UGGT2: variants seen among roughly 807,000 people sequenced by gnomAD.
UGGT2 encodes UDP-glucose:glycoprotein glucosyltransferase 2.
In UGGT2, 180 loss-of-function variants were observed where a neutral mutation model predicts 192.1. The ratio of observed to expected loss-of-function variants is 0.94; its 90% confidence interval spans 0.83 to 1.06. The LOEUF (loss-of-function observed/expected upper bound fraction) is 1.06, where lower values mean the gene tolerates loss of function less well. UGGT2 is among the 50% of genes least tolerant of loss of function. The pLI is 0.00. For synonymous variants in UGGT2, 580 were observed against 591.0 expected, an observed-to-expected ratio of 0.98 and a Z score of 0.27; for missense variants, 1,849 against 1,795.7, an observed-to-expected ratio of 1.03 and a Z score of -0.54.
chr13:95,928,731 G>T (rs566682019), intron 17 of UGGT2, among the ~76,000 whole-genome samples: 1 of 152,052 alleles, frequency 6.6e-6, no homozygotes, highest in South Asian at 2.1e-4. Flanking sequence ...GGGCAGAGGG[G>T]CTCCTCACAT....
chr13:95,958,927 T>A (rs1238479388), intron 12 of UGGT2, among the ~76,000 whole-genome samples: 2 of 152,194 alleles, frequency 1.3e-5, no homozygotes, highest in Non-Finnish European at 2.9e-5. Flanking sequence ...CCCTTCACCC[T>A]TATGGGCTTC....
chr13:95,993,816 T>C (rs976637456), intron 7 of UGGT2, among the ~76,000 whole-genome samples: 5 of 152,140 alleles, frequency 3.3e-5, no homozygotes, highest in African/African-American at 1.2e-4. Flanking sequence ...AAAATATTTC[T>C]TTAATTAATT....
At chr13:95,985,134 A>T in intron 9 of UGGT2, 1 of 497,230 alleles carries the variant, frequency 2.0e-6, no homozygotes, top group Non-Finnish European at 3.1e-6. Context: ...CAACTGTCTG[A>T]TCAAGACTAA....
intron 29 of UGGT2, among the ~76,000 whole-genome samples, chr13:95,872,355 A>C (rs1449092328): frequency 1.3e-5 from 2 of 152,242 alleles, no homozygotes; most frequent in African/African-American, 4.8e-5. Context: ...ATTTTAAAAA[A>C]TCAAATAATT....
intron 27 of UGGT2, among the ~76,000 whole-genome samples, chr13:95,880,207 A>G (rs1484016702): frequency 6.6e-6 from 1 of 152,072 alleles, no homozygotes; most frequent in Non-Finnish European, 1.5e-5. Flanking sequence ...AAAGATCAAC[A>G]TTTGGGTTTG....
At chr13:95,820,122 C>T (rs1195214483) in intron 38 of UGGT2, among the ~76,000 whole-genome samples, 2 of 151,706 alleles carry the variant, frequency 1.3e-5, no homozygotes, top group African/African-American at 4.9e-5. Flanking sequence ...CACTGTATTC[C>T]AGCCTGTGTG....
At position 95,986,450 on chromosome 13, in the gene UGGT2, A is replaced by G; in HGVS notation, c.932-18T>C. 1 of 1,525,408 alleles carries G rather than the reference A, an allele frequency of 6.6e-7. No homozygotes were observed. Among genetic ancestry groups the G allele is most frequent in the Non-Finnish European group, 9.0e-7 (1 of 1,106,170 alleles). 94.5% of individuals were successfully genotyped at this position (1,525,408 alleles called of 1,614,324 possible). A position where few individuals can be genotyped will look rare whatever the true frequency, so the allele number is the denominator to read the frequency against. On this transcript the variant is annotated intron_variant, in intron 8 of 38. Coordinates refer to ENST00000376747, the MANE Select transcript of UGGT2 (RefSeq NM_020121.4). ...ACTAAGATCTGGAAGGAAAAATATT[A>G]TTAAGGAATCTAGCATAATATTAGA...
intron 12 of UGGT2, among the ~76,000 whole-genome samples, chr13:95,954,967 G>A (rs1297083609): frequency 6.6e-6 from 1 of 152,136 alleles, no homozygotes; most frequent in Admixed American, 6.6e-5. Flanking sequence ...TTTTGGATAA[G>A]GGACACTCAA....
At chr13:95,902,403 A>G (rs1347014068) in intron 21 of UGGT2, among the ~76,000 whole-genome samples, 1 of 152,144 alleles carries the variant, frequency 6.6e-6, no homozygotes, top group Admixed American at 6.6e-5. Context: ...AGCTCCACAA[A>G]GAACAGGGAC....
At chr13:95,959,723 G>A (rs749506252) in intron 12 of UGGT2, among the ~76,000 whole-genome samples, 88 of 152,080 alleles carry the variant, frequency 5.8e-4, no homozygotes, top group Non-Finnish European at 1.0e-3. Context: ...GCCATTGCCC[G>A]TGCCACAACC....
At chr13:95,911,531 C>A (rs544318816) in intron 20 of UGGT2, among the ~76,000 whole-genome samples, 44 of 152,194 alleles carry the variant, frequency 2.9e-4, no homozygotes, top group African/African-American at 9.9e-4. Context: ...CAAGACTAAA[C>A]CAGGAAGAAG....
chr13:95,869,259 T>C (rs1164905474), intron 29 of UGGT2, among the ~76,000 whole-genome samples: 1 of 152,140 alleles, frequency 6.6e-6, no homozygotes, highest in Non-Finnish European at 1.5e-5. Flanking sequence ...GGTGTATATG[T>C]GCCACATTTT....
rs750643357 is a variant in UGGT2 at position 95,996,095 on chromosome 13, A to G, written c.798T>C (p.Asn266=). 1.2e-6 allele frequency: 2 copies of G among 1,613,770 alleles called. No individual in the cohort carries two copies. Among genetic ancestry groups the G allele is most frequent in the Non-Finnish European group, 1.7e-6 (2 of 1,179,898 alleles). ...NTTVEDETET[N]EVQGFLFGKL... is the part of the protein sequence containing the mutation. ...TCCCAAAGAGAAATCCTTGAACTTC[A>G]TTTGTTTCAGTCTCATCCTCTACAG... Residue 266 remains asparagine (N), a synonymous_variant, in exon 7 of 39, where the codon AAT becomes AAC. Coordinates refer to ENST00000376747, the MANE Select transcript of UGGT2 (RefSeq NM_020121.4).
chr13:95,878,650 G>A (rs916576695), intron 27 of UGGT2, among the ~76,000 whole-genome samples: 1 of 152,148 alleles, frequency 6.6e-6, no homozygotes, highest in Non-Finnish European at 1.5e-5. Flanking sequence ...GATTTTCACA[G>A]ACAGAATTCT....
intron 19 of UGGT2, 62 bp from the exon 20 acceptor site, chr13:95,925,836 G>A: frequency 7.0e-6 from 8 of 1,145,044 alleles, no homozygotes; most frequent in East Asian, 2.6e-5. Flanking sequence ...ACAAAAGCAG[G>A]GGAACATGTG....
chr13:95,838,416 T>G (rs1887525810), intron 36 of UGGT2, among the ~76,000 whole-genome samples: 1 of 152,142 alleles, frequency 6.6e-6, no homozygotes, highest in South Asian at 2.1e-4. Context: ...AATCAAAGGC[T>G]TAGCAAGTTA....
chr13:95,927,028 C>T lies in UGGT2; in HGVS notation c.2200G>A (p.Asp734Asn), dbSNP rs1390929036. The part of the protein sequence containing the change: ...AKNMYYLTQD[D>N]ESIISAVTLW... ...CAGGTAAATAAAATATGCTTATTAC[C>T]GTCTTGGGTTAAATAATACATGTTC... Residue 734 changes from aspartate to asparagine, a missense_variant and splice_region_variant, in exon 19 of 39, where the codon GAT becomes AAT. Transcript: ENST00000376747. 3.1e-6 allele frequency: 5 copies of T among 1,594,998 alleles called. No individual in the cohort carries two copies. Among genetic ancestry groups the T allele is most frequent in the South Asian group, 2.3e-5 (2 of 86,902 alleles).
At position 95,906,967 on chromosome 13, in the gene UGGT2, C is replaced by A. The variant is rs1442982416; in HGVS notation, c.2296-3907G>T. Among the ~76,000 whole-genome samples the A allele has an allele frequency of 2.0e-5, 3 of 152,176 alleles. No individual in the cohort carries two copies. The East Asian group carries it at 5.8e-4, about 29-fold the overall frequency. On this transcript the variant is annotated intron_variant, in intron 20 of 38. Coordinates refer to ENST00000376747, the MANE Select transcript of UGGT2 (RefSeq NM_020121.4). ...CAGCCCAGGCAGGGCATCGCCTCAC[C>A]TGGAAAGCACAAGGGGTGGGGGAAT... is the stretch of plus-strand genomic sequence containing the variant.
At chr13:96,009,194 A>T (rs979989691) in intron 5 of UGGT2, among the ~76,000 whole-genome samples, 3 of 152,138 alleles carry the variant, frequency 2.0e-5, no homozygotes, top group Non-Finnish European at 4.4e-5. Context: ...ATCAACTCAA[A>T]ATGGATTAAA....
Sources: allele counts gnomAD v4.1 joint callset (sites outside exome capture counted in the v4.1 genomes callset), GRCh38; gene constraint gnomAD v4.1.1; transcripts MANE v1.5; gene names NCBI Gene and HGNC (gene_info 2026-07-23, HGNC 2026-07-21).